The following CEP63 variants were observed in gnomAD, a reference collection of about 807,000 sequenced individuals.
CEP63 encodes centrosomal protein 63.
In CEP63, 84 loss-of-function variants were observed where a neutral mutation model predicts 89.1. The observed-to-expected ratio is 0.94, with a 90% CI of 0.79 to 1.13. The LOEUF is 1.13. CEP63 is among the 50% of genes most tolerant of loss of function. The pLI is 0.00. For missense variants in CEP63, 838 were observed against 813.3 expected (o/e 1.03, Z -0.37); for synonymous variants, 267 against 272.5 (o/e 0.98, Z 0.20).
chr3:134,538,774 C>A (rs1951401531), intron 6 of CEP63, among the ~76,000 whole-genome samples: 1 of 151,360 alleles, frequency 6.6e-6, no homozygotes, highest in Admixed American at 6.6e-5. Context: ...CAAATTGAGT[C>A]TTAATTTTTA....
At chr3:134,533,380 GTGGGGGC>G (rs1950208970) in intron 5 of CEP63, among the ~76,000 whole-genome samples, 1 of 152,182 alleles carries the variant, frequency 6.6e-6, no homozygotes, top group Admixed American at 6.5e-5. Flanking sequence ...ACCTAATAAA[GTGGGGGC>G]TTAGTAAATG....
At chr3:134,602,580 C>T in the CEP63 span, among the ~76,000 whole-genome samples, 1 of 152,164 alleles carries the variant, frequency 6.6e-6, no homozygotes, top group African/African-American at 2.4e-5. Context: ...TCGGCATTGC[C>T]GCACTGCACT....
downstream of CEP63, among the ~76,000 whole-genome samples, chr3:134,575,265 T>G (rs1958180290): frequency 8.1e-6 from 1 of 123,262 alleles, no homozygotes; most frequent in South Asian, 3.3e-4. Context: ...CTTCCTTGCT[T>G]CCCTCTTTCC....
At chr3:134,705,273 C>A in the CEP63 span, among the ~76,000 whole-genome samples, 1 of 152,108 alleles carries the variant, frequency 6.6e-6, no homozygotes, top group Non-Finnish European at 1.5e-5. Context: ...TGTGCTGTGT[C>A]ATAACATGGT....
At chr3:134,626,555 G>A in the CEP63 span, among the ~76,000 whole-genome samples, 217 of 152,306 alleles carry the variant, frequency 1.4e-3, 1 homozygote, top group African/African-American at 4.9e-3. Flanking sequence ...GGACACTGCA[G>A]GTGCATTTGC....
the CEP63 span, among the ~76,000 whole-genome samples, chr3:134,673,682 C>T: frequency 1.3e-5 from 2 of 152,238 alleles, no homozygotes; most frequent in African/African-American, 4.8e-5. Context: ...CTGAAACCTT[C>T]ATCCCTTTCC....
chr3:134,779,052 T>C, the CEP63 span, among the ~76,000 whole-genome samples: 1 of 152,238 alleles, frequency 6.6e-6, no homozygotes, highest in Non-Finnish European at 1.5e-5. Context: ...TTCATACTTT[T>C]GCTATCCATA....
the CEP63 span, among the ~76,000 whole-genome samples, chr3:134,689,545 G>T: frequency 6.6e-6 from 1 of 152,020 alleles, no homozygotes; most frequent in African/African-American, 2.4e-5. Flanking sequence ...TCTGCCTCCT[G>T]AGTTCAAGCA....
chr3:134,601,564 T>G, the CEP63 span, among the ~76,000 whole-genome samples: 2 of 152,312 alleles, frequency 1.3e-5, no homozygotes, highest in South Asian at 4.1e-4. Context: ...TAAAACTCCC[T>G]TTGTTTCCCT....
chr3:134,650,666 C>A, the CEP63 span, among the ~76,000 whole-genome samples: 30 of 152,290 alleles, frequency 2.0e-4, no homozygotes, highest in African/African-American at 7.2e-4. Context: ...CCACGGGACG[C>A]CGGTGCCACT....
the CEP63 span, among the ~76,000 whole-genome samples, chr3:134,774,478 A>G: frequency 6.6e-6 from 1 of 152,208 alleles, no homozygotes; most frequent in African/African-American, 2.4e-5. Flanking sequence ...GAATGCCTTG[A>G]TGGACTCTTG....
the CEP63 span, among the ~76,000 whole-genome samples, chr3:134,640,230 G>T: frequency 6.6e-6 from 1 of 151,850 alleles, no homozygotes; most frequent in Non-Finnish European, 1.5e-5. Context: ...TTGGGTGGGG[G>T]GTACTGCACC....
At chr3:134,510,822 G>C (rs1944684117) in intron 3 of CEP63, 1 of 322,418 alleles carries the variant, frequency 3.1e-6, no homozygotes, top group South Asian at 3.2e-5. Context: ...AAAGCACCTG[G>C]GGTAGAAGTT....
intron 6 of CEP63, among the ~76,000 whole-genome samples, chr3:134,539,285 G>A (rs569545694): frequency 4.6e-5 from 7 of 152,032 alleles, no homozygotes; most frequent in Non-Finnish European, 8.8e-5. Flanking sequence ...ATTTTTAAAT[G>A]TATAGTATAG....
the CEP63 span, among the ~76,000 whole-genome samples, chr3:134,740,266 TTTTATTTA>T: frequency 0.012 from 1,623 of 140,898 alleles, 12 homozygotes; most frequent in Middle Eastern, 0.014. Context: ...TATTCTTTTC[TTTTATTTA>T]TTTATTTATT....
chr3:134,573,960 G>A lies in CEP63; in HGVS notation c.1330-833G>A, dbSNP rs184134925. Among the ~76,000 whole-genome samples the A allele has an allele frequency of 2.6e-4, 40 of 152,306 alleles. No homozygotes were observed. In the East Asian group the frequency reaches 5.2e-3, roughly 20 times the overall value. On this transcript the variant is annotated intron_variant, in intron 11 of 11. Transcript: ENST00000354446. ...TTAGGGCAAGCCTGGGATGGTGAGTGCTCTTCTCCTGGGTCTTCTTGGAAG... is the reference window on the plus strand; with the variant it reads ...TTAGGGCAAGCCTGGGATGGTGAGTACTCTTCTCCTGGGTCTTCTTGGAAG...
chr3:134,507,257 A>C lies in CEP63; in HGVS notation c.193A>C (p.Arg65=), dbSNP rs142629260. Residue 65 remains arginine (R), a synonymous_variant, in exon 3 of 15, where the codon AGG becomes CGG. Coordinates refer to ENST00000675561, the MANE Select transcript of CEP63 (RefSeq NM_001353108.3). ...CCGTGAACAGGAACTTAAGAGTCTT[A>C]GGAGTCAGTTGGATGTGACACATAA... ...KIREQELKSL[R]SQLDVTHKEV... The C allele has an allele frequency of 1.2e-6, 2 of 1,613,700 alleles. No homozygotes were observed. The highest frequency in any genetic ancestry group is 1.7e-6 in the Non-Finnish European group (2 of 1,179,822).
At chr3:134,498,363 T>C (rs551486564) in intron 2 of CEP63, among the ~76,000 whole-genome samples, 1 of 152,284 alleles carries the variant, frequency 6.6e-6, no homozygotes, top group South Asian at 2.1e-4. Context: ...AGCTAGTTCA[T>C]TATTGGTGTA....
At chr3:134,699,131 G>A in the CEP63 span, among the ~76,000 whole-genome samples, 1 of 152,238 alleles carries the variant, frequency 6.6e-6, no homozygotes, top group African/African-American at 2.4e-5. Flanking sequence ...TGTCTCAGGA[G>A]AGTGTGGACT....
Sources: allele counts gnomAD v4.1 joint callset (sites outside exome capture counted in the v4.1 genomes callset), GRCh38; gene constraint gnomAD v4.1.1; transcripts MANE v1.5; gene names NCBI Gene and HGNC (gene_info 2026-07-23, HGNC 2026-07-21).